Variants in GMDS observed in about 807,000 individuals in gnomAD.
GMDS encodes the protein GDP-mannose 4,6-dehydratase, also known as GDP-mannose 4,6 dehydratase.
In GMDS, 20 loss-of-function variants were observed where a neutral mutation model predicts 49.9. That is an observed-to-expected ratio of 0.40 (90% CI 0.28 to 0.58). The LOEUF (loss-of-function observed/expected upper bound fraction) is 0.58, where lower values mean the gene tolerates loss of function less well. Among genes scored for constraint, GMDS ranks in the 20% least tolerant of loss-of-function variants. The pLI is 0.42. For missense variants in GMDS, 362 were observed against 481.4 expected, an observed-to-expected ratio of 0.75 and a Z score of 2.32; for synonymous variants, 177 against 178.6, an observed-to-expected ratio of 0.99 and a Z score of 0.07.
intron 7 of GMDS, among the ~76,000 whole-genome samples, chr6:1,911,568 C>T (rs1185489445): frequency 6.7e-6 from 1 of 149,328 alleles, no homozygotes; most frequent in Non-Finnish European, 1.5e-5. Flanking sequence ...AAAAAAAAAG[C>T]CGTGGAATTT....
At chr6:2,241,618 C>T (rs953458986) in intron 1 of GMDS, among the ~76,000 whole-genome samples, 5 of 152,064 alleles carry the variant, frequency 3.3e-5, no homozygotes, top group Admixed American at 2.0e-4. Context: ...TATTAGCTCC[C>T]GCTAGAGCCG....
At chr6:1,712,766 C>A (rs1279945863) in intron 9 of GMDS, among the ~76,000 whole-genome samples, 3 of 151,068 alleles carry the variant, frequency 2.0e-5, no homozygotes, top group South Asian at 4.2e-4. Context: ...GGGTTGAATT[C>A]TTTAAAAAAA....
At chr6:1,737,251 C>G (rs969926920) in intron 8 of GMDS, among the ~76,000 whole-genome samples, 1 of 152,174 alleles carries the variant, frequency 6.6e-6, no homozygotes, top group Non-Finnish European at 1.5e-5. Flanking sequence ...CAACAAGCAG[C>G]AGATGTTGGT....
intron 7 of GMDS, among the ~76,000 whole-genome samples, chr6:1,848,488 T>C (rs1019745017): frequency 2.0e-5 from 3 of 152,230 alleles, no homozygotes; most frequent in Non-Finnish European, 4.4e-5. Context: ...CTCTTGACAT[T>C]GACTACTCTC....
intron 4 of GMDS, among the ~76,000 whole-genome samples, chr6:2,071,441 G>A (rs965208952): frequency 2.6e-5 from 4 of 151,816 alleles, no homozygotes; most frequent in African/African-American, 7.3e-5. Flanking sequence ...CCCATGTGAC[G>A]TACTAGATAA....
rs572470261 is a variant in GMDS at position 2,130,500 on chromosome 6, C to T, written c.103-5769G>A. 5.3e-5 allele frequency among the ~76,000 whole-genome samples: 8 copies of T among 152,332 alleles called. No homozygotes were observed. The South Asian group carries it at 1.5e-3, about 28-fold the overall frequency. Reference sequence around the variant, plus strand: ...TCCCTCCTTTCAAGGGCAATAGCCTCGCAAACAGGTGCTCAGTGGTTGCAC... The same window carrying T: ...TCCCTCCTTTCAAGGGCAATAGCCTTGCAAACAGGTGCTCAGTGGTTGCAC... On this transcript the variant is annotated intron_variant, in intron 1 of 10. Coordinates refer to ENST00000380815, the MANE Select transcript of GMDS (RefSeq NM_001500.4).
At chr6:1,817,627 G>A (rs554646851) in intron 7 of GMDS, among the ~76,000 whole-genome samples, 2 of 152,284 alleles carry the variant, frequency 1.3e-5, no homozygotes, top group South Asian at 4.1e-4. Context: ...GTACAAACAA[G>A]TTCTCAGTAG....
intron 4 of GMDS, among the ~76,000 whole-genome samples, chr6:2,115,543 T>A (rs1774798686): frequency 6.6e-6 from 1 of 152,198 alleles, no homozygotes; most frequent in African/African-American, 2.4e-5. Context: ...CAAATACTGC[T>A]ATTCCAATAT....
chr6:1,924,924 C>T (rs1008489371), intron 7 of GMDS, among the ~76,000 whole-genome samples: 1 of 151,406 alleles, frequency 6.6e-6, no homozygotes, highest in East Asian at 2.0e-4. Context: ...CACCACTGCA[C>T]TCCAGCCCGG....
intron 7 of GMDS, among the ~76,000 whole-genome samples, chr6:1,926,378 T>A (rs1462657611): frequency 2.0e-5 from 3 of 152,156 alleles, no homozygotes; most frequent in Non-Finnish European, 4.4e-5. Context: ...AACCTGCCCA[T>A]CTGCATGCTC....
At chr6:1,729,277 G>C (rs1766705163) in intron 8 of GMDS, among the ~76,000 whole-genome samples, 1 of 152,212 alleles carries the variant, frequency 6.6e-6, no homozygotes, top group African/African-American at 2.4e-5. Flanking sequence ...CAGCCTGAAA[G>C]TCAGACTTGG....
chr6:2,231,560 T>C (rs1321901276), intron 1 of GMDS, among the ~76,000 whole-genome samples: 2 of 151,754 alleles, frequency 1.3e-5, no homozygotes, highest in Non-Finnish European at 2.9e-5. Context: ...CCAGACCTTG[T>C]CTCCAAAAAA....
intron 7 of GMDS, among the ~76,000 whole-genome samples, chr6:1,748,389 AGCTAATCATTT>A (rs1767598765): frequency 6.6e-6 from 1 of 152,014 alleles, no homozygotes; most frequent in Admixed American, 6.5e-5. Context: ...ATCACCTCCG[AGCTAATCATTT>A]TTGGGTTTTG....
chr6:2,026,789 G>C (rs1267965283), intron 4 of GMDS, among the ~76,000 whole-genome samples: 1 of 152,110 alleles, frequency 6.6e-6, no homozygotes, highest in Non-Finnish European at 1.5e-5. Flanking sequence ...TAGAGAAGTG[G>C]GATGTCAGTG....
intron 7 of GMDS, among the ~76,000 whole-genome samples, chr6:1,839,749 C>G (rs1757075394): frequency 6.6e-6 from 1 of 152,158 alleles, no homozygotes; most frequent in Non-Finnish European, 1.5e-5. Context: ...GCACTTGTTA[C>G]TAGATGCTAC....
At chr6:1,714,666 G>T (rs1766108973) in intron 9 of GMDS, among the ~76,000 whole-genome samples, 1 of 152,248 alleles carries the variant, frequency 6.6e-6, no homozygotes, top group Non-Finnish European at 1.5e-5. Flanking sequence ...GTGGGTAAAG[G>T]AAAGATGGTG....
chr6:1,661,580 C>G (rs1030929309), intron 9 of GMDS, among the ~76,000 whole-genome samples: 1 of 152,110 alleles, frequency 6.6e-6, no homozygotes, highest in Non-Finnish European at 1.5e-5. Context: ...AGTGGCAGGT[C>G]AAGAAGCTCA....
At chr6:2,015,914 G>C (rs1767862136) in intron 4 of GMDS, among the ~76,000 whole-genome samples, 2 of 151,788 alleles carry the variant, frequency 1.3e-5, no homozygotes, top group Non-Finnish European at 2.9e-5. Context: ...CTCAGTTTAT[G>C]GTTTTTTTCT....
chr6:2,107,994 T>C (rs1277372434), intron 4 of GMDS, among the ~76,000 whole-genome samples: 3 of 152,168 alleles, frequency 2.0e-5, no homozygotes, highest in African/African-American at 7.2e-5. Flanking sequence ...AAAAATTACA[T>C]AAGACAAGAA....
Sources: gnomAD v4.1 joint callset for allele counts (sites outside exome capture counted in the v4.1 genomes callset) on GRCh38, gnomAD v4.1.1 for gene constraint, MANE v1.5 for transcripts, NCBI Gene and HGNC (gene_info 2026-07-23, HGNC 2026-07-21) for gene names.